OLA1: variants seen among roughly 807,000 people sequenced by gnomAD.
OLA1 encodes obg-like ATPase 1.
In OLA1, 14 loss-of-function variants were observed where a neutral mutation model predicts 48.4. The ratio of observed to expected loss-of-function variants is 0.29; its 90% CI spans 0.19 to 0.45. The LOEUF (loss-of-function observed/expected upper bound fraction) is 0.45. Among genes scored for constraint, OLA1 ranks in the 20% least tolerant of loss-of-function variants. The probability of loss-of-function intolerance (pLI) is 1.00; values close to 1 mark genes in which losing one functional copy is unlikely to be tolerated. For missense variants in OLA1, 325 were observed against 467.1 expected, an observed-to-expected ratio of 0.70 and a Z score of 2.80; for synonymous variants, 127 against 150.4, an observed-to-expected ratio of 0.84 and a Z score of 1.14.
At chr2:174,161,330 A>G (rs1687006979) in intron 4 of OLA1, among the ~76,000 whole-genome samples, 1 of 152,210 alleles carries the variant, frequency 6.6e-6, no homozygotes, top group Admixed American at 6.5e-5. Flanking sequence ...ACTTATACAC[A>G]TGCTGTATAT....
rs138095941 is a variant in OLA1 at position 174,229,114 on chromosome 2, T to C, written c.245+194A>G. 7.4e-4 allele frequency among the ~76,000 whole-genome samples: 112 copies of C among 152,338 alleles called. 2 individuals carry two copies. The East Asian group carries it at 0.019, about 26-fold the overall frequency. On this transcript the variant is annotated intron_variant, in intron 3 of 10. Coordinates refer to ENST00000284719, the MANE Select transcript of OLA1 (RefSeq NM_013341.5). ...TGGTCTCAAACTCCTAACCTTGTGA[T>C]CTGCCCTCCTGGGCCTCCCAAAGTG... is the stretch of plus-strand genomic sequence containing the variant.
At chr2:174,231,124 A>G (rs1574568416) in intron 2 of OLA1, among the ~76,000 whole-genome samples, 1 of 152,158 alleles carries the variant, frequency 6.6e-6, no homozygotes, top group Admixed American at 6.5e-5. Flanking sequence ...ACAAAAGCCT[A>G]CTCAAGTAAT....
intron 4 of OLA1, among the ~76,000 whole-genome samples, chr2:174,213,815 G>C (rs932838566): frequency 2.0e-5 from 3 of 151,968 alleles, no homozygotes; most frequent in Non-Finnish European, 2.9e-5. Flanking sequence ...TATCATAAAA[G>C]TTTTTTAAAA....
intron 4 of OLA1, among the ~76,000 whole-genome samples, chr2:174,187,190 A>G (rs909133250): frequency 6.6e-6 from 1 of 152,218 alleles, no homozygotes; most frequent in Admixed American, 6.5e-5. Flanking sequence ...GCTGATCACA[A>G]ATCAATGAAA....
intron 5 of OLA1, among the ~76,000 whole-genome samples, chr2:174,132,249 T>TA (rs1169499814): frequency 6.6e-6 from 1 of 151,884 alleles, no homozygotes; most frequent in African/African-American, 2.4e-5. Context: ...CCCCGTTCAC[T>TA]AGTCTTGCTA....
intron 4 of OLA1, among the ~76,000 whole-genome samples, chr2:174,189,203 G>C (rs2105421140): frequency 1.3e-5 from 2 of 152,170 alleles, no homozygotes. Flanking sequence ...AAGTGGATTA[G>C]AGATTTACAA....
chr2:174,081,656 G>A (rs868436685), intron 8 of OLA1, among the ~76,000 whole-genome samples: 1 of 151,888 alleles, frequency 6.6e-6, no homozygotes, highest in Non-Finnish European at 1.5e-5. Flanking sequence ...TGAACATGAC[G>A]AAAGAGTTTT....
At chr2:174,106,912 A>G (rs1249576081) in intron 7 of OLA1, among the ~76,000 whole-genome samples, 2 of 152,124 alleles carry the variant, frequency 1.3e-5, no homozygotes, top group Non-Finnish European at 2.9e-5. Context: ...TTGCTGCTGG[A>G]AAGTCACAGA....
chr2:174,150,460 C>T (rs1343719933), intron 4 of OLA1, among the ~76,000 whole-genome samples: 1 of 152,146 alleles, frequency 6.6e-6, no homozygotes, highest in Non-Finnish European at 1.5e-5. Context: ...TCAGTTACAG[C>T]AAGAGAAAAC....
chr2:174,184,837 T>C (rs1230462253), intron 4 of OLA1, among the ~76,000 whole-genome samples: 2 of 152,118 alleles, frequency 1.3e-5, no homozygotes, highest in Non-Finnish European at 2.9e-5. Context: ...GAAAAACAAG[T>C]TTAAGCATCA....
chr2:174,085,274 C>T lies in OLA1; in HGVS notation c.729-3210G>A, dbSNP rs77554915. ...CCTGGACTGTGGACTGGTACCAGGC[C>T]ATGGCCTGTTAGGAATCAGGCTGCA... On this transcript the variant is annotated intron_variant, in intron 7 of 10. Coordinates refer to ENST00000284719, the MANE Select transcript of OLA1 (RefSeq NM_013341.5). Among the ~76,000 whole-genome samples the T allele has an allele frequency of 1.6e-4, 24 of 152,290 alleles. No individual in the cohort carries two copies. In the East Asian group the frequency reaches 4.6e-3, roughly 29 times the overall value.
intron 4 of OLA1, among the ~76,000 whole-genome samples, chr2:174,157,883 C>T (rs1462684046): frequency 6.6e-6 from 1 of 152,036 alleles, no homozygotes; most frequent in African/African-American, 2.4e-5. Flanking sequence ...AGATAATATA[C>T]CTCACAAAAT....
intron 4 of OLA1, among the ~76,000 whole-genome samples, chr2:174,204,655 C>T (rs1469890289): frequency 6.6e-6 from 1 of 151,848 alleles, no homozygotes; most frequent in Non-Finnish European, 1.5e-5. Context: ...ACCATTGAGA[C>T]AATGAAATAT....
At chr2:174,091,105 A>T (rs773715132) in intron 7 of OLA1, among the ~76,000 whole-genome samples, 1 of 152,248 alleles carries the variant, frequency 6.6e-6, no homozygotes, top group African/African-American at 2.4e-5. Flanking sequence ...TGGGTGCTCA[A>T]ATATTTTCTA....
chr2:174,075,322 C>T lies in OLA1; in HGVS notation c.*104G>A. 9.7e-6 allele frequency: 6 copies of T among 615,418 alleles called. No homozygotes were observed. The South Asian group carries it at 1.2e-4, about 13-fold the overall frequency. 38.1% of individuals were successfully genotyped at this position (615,418 alleles called of 1,614,324 possible). A position where few individuals can be genotyped will look rare whatever the true frequency, so the allele number is the denominator to read the frequency against. ...AAATAATTTGTTTGTCAAAGATTCC[C>T]ATCTCCCCAACTTTATTTGTCGCAT... On this transcript the variant is annotated 3_prime_UTR_variant, in exon 11 of 11. Coordinates refer to ENST00000284719, the MANE Select transcript of OLA1 (RefSeq NM_013341.5).
At chr2:174,123,747 T>C (rs1311316988) in intron 5 of OLA1, 72 bp from the exon 6 acceptor site, 8 of 667,662 alleles carry the variant, frequency 1.2e-5, no homozygotes, top group Admixed American at 3.0e-5. Flanking sequence ...TTAAAAAGTT[T>C]TCAAATTTTC....
intron 4 of OLA1, among the ~76,000 whole-genome samples, chr2:174,156,888 T>A (rs1686898021): frequency 6.6e-6 from 1 of 152,034 alleles, no homozygotes; most frequent in Non-Finnish European, 1.5e-5. Context: ...CCCAGCCTGC[T>A]ACCACACTCT....
chr2:174,207,931 G>T (rs1453353523), intron 4 of OLA1, among the ~76,000 whole-genome samples: 2 of 152,148 alleles, frequency 1.3e-5, no homozygotes, highest in Non-Finnish European at 2.9e-5. Flanking sequence ...AGAAAATACA[G>T]TATTGGCCCA....
intron 7 of OLA1, among the ~76,000 whole-genome samples, chr2:174,106,632 A>C (rs539041810): frequency 4.7e-4 from 72 of 152,282 alleles, no homozygotes; most frequent in African/African-American, 1.5e-3. Context: ...CCGTTTGTGA[A>C]GAGAAAGTGA....
Sources: gnomAD v4.1 joint callset for allele counts (sites outside exome capture counted in the v4.1 genomes callset) on GRCh38, gnomAD v4.1.1 for gene constraint, MANE v1.5 for transcripts, NCBI Gene and HGNC (gene_info 2026-07-23, HGNC 2026-07-21) for gene names.